GINS1: variants seen among roughly 807,000 people sequenced by gnomAD.
The protein encoded by GINS1 is DNA replication complex GINS protein PSF1.
In GINS1, 26 loss-of-function variants were observed where a neutral mutation model predicts 34.9. The ratio of observed to expected loss-of-function variants is 0.74; its 90% CI spans 0.55 to 1.03. GINS1 has a LOEUF of 1.03. Among genes scored for constraint, GINS1 ranks in the 50% least tolerant of loss-of-function variants. GINS1 has a pLI of 0.00. For synonymous variants in GINS1, 97 were observed against 84.4 expected (o/e 1.15, Z -0.82); for missense variants, 235 against 237.9 (o/e 0.99, Z 0.08).
At chr20:25,443,859 A>G (rs1435978642) in intron 6 of GINS1, among the ~76,000 whole-genome samples, 2 of 152,116 alleles carry the variant, frequency 1.3e-5, no homozygotes, top group Non-Finnish European at 2.9e-5. Context: ...TGAAAAAGAA[A>G]CAATATCAGC....
At chr20:25,430,868 T>C (rs1372070805) in intron 5 of GINS1, among the ~76,000 whole-genome samples, 4 of 152,220 alleles carry the variant, frequency 2.6e-5, no homozygotes, top group Non-Finnish European at 4.4e-5. Flanking sequence ...ATAAGGGACA[T>C]TGGTCTATAG....
In GINS1 at chr20:25,423,452, C is replaced by CTT. The variant is rs1159340467; in HGVS notation, c.331-1726_331-1725dup. Among the ~76,000 whole-genome samples, 88 of 29,988 alleles carry CTT rather than the reference C, an allele frequency of 2.9e-3. 12 individuals carry two copies. Among genetic ancestry groups the CTT allele is most frequent in the African/African-American group, 3.6e-3 (30 of 8,382 alleles). The allele number at this position is 29,988 out of a possible 152,430, so 19.7% of individuals were successfully genotyped here. ...AAGGTTATTAAGATATTTTTCTTTT[C>CTT]TTTTTTTTTTTTTTTTTTTTTTTTT... On this transcript the variant is annotated intron_variant, in intron 4 of 6. Transcript: ENST00000262460.
At chr20:25,411,520 T>C (rs566825998) in intron 1 of GINS1, among the ~76,000 whole-genome samples, 28 of 152,230 alleles carry the variant, frequency 1.8e-4, no homozygotes, top group African/African-American at 6.7e-4. Context: ...CATTTTGGGC[T>C]GGACACGGTG....
intron 4 of GINS1, 89 bp from the exon 5 acceptor site, chr20:25,425,122 T>C (rs2090383174): frequency 1.5e-6 from 1 of 675,354 alleles, no homozygotes; most frequent in African/African-American, 1.8e-5. Context: ...GTGATTTGTG[T>C]TGGGATGTGT....
At chr20:25,419,903 G>GC (rs1302529207) in intron 4 of GINS1, 1 of 153,638 alleles carries the variant, frequency 6.5e-6, no homozygotes, top group African/African-American at 2.4e-5. Context: ...CTTGTGATCT[G>GC]CCCCTCTTGG....
intron 6 of GINS1, among the ~76,000 whole-genome samples, chr20:25,444,156 C>T (rs759615923): frequency 3.9e-5 from 6 of 151,908 alleles, no homozygotes; most frequent in African/African-American, 1.5e-4. Context: ...GGATTGCAGG[C>T]GTGTGTCACC....
chr20:25,408,964 A>G (rs1201919962), intron 1 of GINS1: 1 of 983,170 alleles, frequency 1.0e-6, no homozygotes, highest in East Asian at 1.1e-4. Context: ...AAGTGATACT[A>G]AGGAGGTATA....
intron 5 of GINS1, among the ~76,000 whole-genome samples, chr20:25,437,003 C>T (rs1012392539): frequency 3.3e-5 from 5 of 152,120 alleles, no homozygotes; most frequent in Admixed American, 6.6e-5. Context: ...TGTAAGCTGT[C>T]GCTGTGCTTA....
Position 25,418,211 on chromosome 20 carries a change from T to TC in GINS1, c.330+17dup, listed in dbSNP as rs2146196659. ...TGCTGAAGAAGTGAGTTAGCATTGTTCAAGTTTATAAATTTTGAAAATGCT... is the reference window on the plus strand; with the variant it reads ...TGCTGAAGAAGTGAGTTAGCATTGTTCCAAGTTTATAAATTTTGAAAATGCT... On this transcript the variant is annotated intron_variant, in intron 4 of 6. Transcript: ENST00000262460. 7.1e-7 allele frequency: 1 copy of TC among 1,412,372 alleles called. No individual in the cohort carries two copies. The highest frequency in any genetic ancestry group is 1.7e-5 in the Admixed American group (1 of 59,840). The allele number at this position is 1,412,372 out of a possible 1,614,324, so 87.5% of individuals were successfully genotyped here. A position where few individuals can be genotyped will look rare whatever the true frequency, so the allele number is the denominator to read the frequency against.
intron 5 of GINS1, among the ~76,000 whole-genome samples, chr20:25,436,141 C>G (rs984337418): frequency 6.6e-6 from 1 of 152,070 alleles, no homozygotes; most frequent in Non-Finnish European, 1.5e-5. Context: ...TTCTAGATAA[C>G]AGGGTCTCCC....
intron 4 of GINS1, chr20:25,420,958 A>G: frequency 1.0e-6 from 1 of 984,662 alleles, no homozygotes; most frequent in Non-Finnish European, 1.2e-6. Context: ...TGCATCAGCC[A>G]TTTTGGACCA....
At chr20:25,430,875 A>G (rs1003542829) in intron 5 of GINS1, among the ~76,000 whole-genome samples, 1 of 152,226 alleles carries the variant, frequency 6.6e-6, no homozygotes, top group Non-Finnish European at 1.5e-5. Context: ...ACATTGGTCT[A>G]TAGTTTTCTT....
intron 4 of GINS1, among the ~76,000 whole-genome samples, chr20:25,418,928 T>G (rs1342429073): frequency 6.6e-6 from 1 of 152,212 alleles, no homozygotes; most frequent in Non-Finnish European, 1.5e-5. Flanking sequence ...TGGTTGGTCT[T>G]TCTGGGGTAG....
At chr20:25,433,369 C>G (rs547605995) in intron 5 of GINS1, among the ~76,000 whole-genome samples, 2 of 152,046 alleles carry the variant, frequency 1.3e-5, no homozygotes, top group Non-Finnish European at 2.9e-5. Flanking sequence ...CCCACAGATA[C>G]CAAGATCCAT....
chr20:25,443,979 T>TC (rs1216285728), intron 6 of GINS1, among the ~76,000 whole-genome samples: 19 of 137,858 alleles, frequency 1.4e-4, no homozygotes, highest in Middle Eastern at 3.6e-3. Context: ...GTAGGAAACA[T>TC]TTATCTATCT....
chr20:25,427,839 T>C (rs1685515083), intron 5 of GINS1, among the ~76,000 whole-genome samples: 2 of 151,682 alleles, frequency 1.3e-5, no homozygotes, highest in Admixed American at 1.3e-4. Flanking sequence ...CATGTTGATA[T>C]TTTAAAATTT....
chr20:25,434,284 C>A (rs1459694999), intron 5 of GINS1, among the ~76,000 whole-genome samples: 1 of 151,602 alleles, frequency 6.6e-6, no homozygotes, highest in Non-Finnish European at 1.5e-5. Flanking sequence ...CTCCACACCT[C>A]CCCGCTGCCC....
At chr20:25,412,621 A>G (rs547220836) in intron 1 of GINS1, among the ~76,000 whole-genome samples, 3 of 152,324 alleles carry the variant, frequency 2.0e-5, no homozygotes, top group South Asian at 2.1e-4. Context: ...CTCATGCTTC[A>G]GTAGGACGAT....
intron 2 of GINS1, among the ~76,000 whole-genome samples, chr20:25,415,730 T>A (rs964515739): frequency 2.0e-5 from 3 of 150,260 alleles, no homozygotes; most frequent in African/African-American, 7.3e-5. Flanking sequence ...GCGCTCACTG[T>A]CTAGTGCAGA....
Sources: gnomAD v4.1 joint callset for allele counts (sites outside exome capture counted in the v4.1 genomes callset) on GRCh38, gnomAD v4.1.1 for gene constraint, MANE v1.5 for transcripts, NCBI Gene and HGNC (gene_info 2026-07-23, HGNC 2026-07-21) for gene names.